ADARB2: variants seen among roughly 807,000 people sequenced by gnomAD.
ADARB2 encodes the protein adenosine deaminase RNA specific B2 (inactive), also known as inactive double-stranded RNA-specific editase B2.
ADARB2 carries 25 observed loss-of-function variants against 62.2 expected under a neutral mutation model. The ratio of observed to expected loss-of-function variants is 0.40; its 90% CI spans 0.29 to 0.56. ADARB2 has a LOEUF of 0.56. Among genes scored for constraint, ADARB2 ranks in the 20% least tolerant of loss-of-function variants. The pLI is 0.43. For missense variants in ADARB2, 1,071 were observed against 1,077.4 expected, an observed-to-expected ratio of 0.99 and a Z score of 0.08; for synonymous variants, 572 against 500.8, an observed-to-expected ratio of 1.14 and a Z score of -1.90.
chr10:1,634,844 T>C (rs1335664953), intron 1 of ADARB2, among the ~76,000 whole-genome samples: 1 of 152,202 alleles, frequency 6.6e-6, no homozygotes, highest in Non-Finnish European at 1.5e-5. Context: ...TTTAACAAGC[T>C]CTAATAAGCT....
At chr10:1,708,203 T>C (rs1481041693) in intron 1 of ADARB2, among the ~76,000 whole-genome samples, 1 of 152,138 alleles carries the variant, frequency 6.6e-6, no homozygotes, top group Non-Finnish European at 1.5e-5. Context: ...TTTTGATGCC[T>C]GTTCAAAGTG....
At chr10:1,318,960 C>T (rs1831770764) in intron 3 of ADARB2, among the ~76,000 whole-genome samples, 1 of 152,154 alleles carries the variant, frequency 6.6e-6, no homozygotes, top group African/African-American at 2.4e-5. Context: ...GGCCAGCGGC[C>T]TTAATTTCTG....
At chr10:1,525,846 TG>T (rs1169851407) in intron 1 of ADARB2, among the ~76,000 whole-genome samples, 3 of 152,008 alleles carry the variant, frequency 2.0e-5, no homozygotes, top group Non-Finnish European at 4.4e-5. Flanking sequence ...TTCATGTGCT[TG>T]TGTGTGTGCG....
intron 3 of ADARB2, among the ~76,000 whole-genome samples, chr10:1,360,281 G>A (rs1832240457): frequency 2.0e-5 from 3 of 152,200 alleles, no homozygotes; most frequent in South Asian, 2.1e-4. Flanking sequence ...GCCCTTTTCC[G>A]AGCGTGGGAC....
intron 3 of ADARB2, among the ~76,000 whole-genome samples, chr10:1,273,807 C>T (rs116875732): frequency 6.6e-6 from 1 of 152,170 alleles, no homozygotes; most frequent in East Asian, 1.9e-4. Context: ...TGCTGCAAGC[C>T]CCATCCTGCC....
At chr10:1,585,789 C>T (rs1179936122) in intron 1 of ADARB2, among the ~76,000 whole-genome samples, 1 of 152,198 alleles carries the variant, frequency 6.6e-6, no homozygotes, top group East Asian at 1.9e-4. Flanking sequence ...AATCTCAGCA[C>T]TTTGGGAGGC....
At chr10:1,629,235 T>C (rs549416498) in intron 1 of ADARB2, among the ~76,000 whole-genome samples, 61 of 152,254 alleles carry the variant, frequency 4.0e-4, no homozygotes, top group African/African-American at 1.4e-3. Context: ...CCCAGGGAAT[T>C]GGACTCCCTG....
At chr10:1,372,949 A>G (rs1832386008) in intron 2 of ADARB2, among the ~76,000 whole-genome samples, 1 of 152,180 alleles carries the variant, frequency 6.6e-6, no homozygotes, top group South Asian at 2.1e-4. Flanking sequence ...GATGAAAGAT[A>G]GCTACAAGGA....
chr10:1,259,568 C>G (rs531852577), intron 4 of ADARB2, among the ~76,000 whole-genome samples: 3 of 152,232 alleles, frequency 2.0e-5, no homozygotes, highest in South Asian at 2.1e-4. Context: ...ATAAATTCCT[C>G]GACACATACA....
intron 3 of ADARB2, among the ~76,000 whole-genome samples, chr10:1,299,316 TG>T (rs1465008283): frequency 6.6e-6 from 1 of 151,988 alleles, no homozygotes; most frequent in Non-Finnish European, 1.5e-5. Flanking sequence ...GAGGGGCACC[TG>T]CCTCACTGGG....
chr10:1,736,430 G>GT (rs1564208467), intron 1 of ADARB2, among the ~76,000 whole-genome samples: 2 of 152,278 alleles, frequency 1.3e-5, no homozygotes, highest in Admixed American at 1.3e-4. Flanking sequence ...CTGGTTTGCG[G>GT]TTTTTTTCTA....
In ADARB2 at chr10:1,580,033, C is replaced by T. The variant is rs539627495; in HGVS notation, c.100+157018G>A. 9.2e-5 allele frequency among the ~76,000 whole-genome samples: 14 copies of T among 152,332 alleles called. No individual in the cohort carries two copies. The South Asian group carries it at 2.1e-3, about 23-fold the overall frequency. On this transcript the variant is annotated intron_variant, in intron 1 of 9. Coordinates refer to ENST00000381312, the MANE Select transcript of ADARB2 (RefSeq NM_018702.4). ...CTCCCCCAGGAATGTACAACTTGGACGAGGCAGACGAGCGAGTCACCAGTT... is the reference window on the plus strand; with the variant it reads ...CTCCCCCAGGAATGTACAACTTGGATGAGGCAGACGAGCGAGTCACCAGTT...
At chr10:1,541,125 C>T (rs79155582) in intron 1 of ADARB2, among the ~76,000 whole-genome samples, 7,294 of 29,488 alleles carry the variant, frequency 0.25, 630 homozygotes, top group Non-Finnish European at 0.31. Context: ...CACTCAGACG[C>T]AGTTCAGACC....
At chr10:1,549,578 G>A (rs1300197740) in intron 1 of ADARB2, among the ~76,000 whole-genome samples, 2 of 151,954 alleles carry the variant, frequency 1.3e-5, no homozygotes, top group South Asian at 2.1e-4. Flanking sequence ...CGAGACCCAC[G>A]CATGGTCAAA....
At chr10:1,488,811 C>T (rs1016434139) in intron 1 of ADARB2, among the ~76,000 whole-genome samples, 1 of 151,780 alleles carries the variant, frequency 6.6e-6, no homozygotes, top group Non-Finnish European at 1.5e-5. Flanking sequence ...GGGGAAAACG[C>T]TCGCATATCT....
chr10:1,200,408 A>C (rs1338068360), intron 7 of ADARB2: 5 of 543,092 alleles, frequency 9.2e-6, no homozygotes, highest in East Asian at 9.1e-5. Flanking sequence ...TTAGAGTGGA[A>C]ACTGTTATGT....
chr10:1,444,071 A>G (rs995510046), intron 1 of ADARB2, among the ~76,000 whole-genome samples: 3 of 149,426 alleles, frequency 2.0e-5, no homozygotes, highest in Non-Finnish European at 4.5e-5. Context: ...ACACCACTCT[A>G]TCCATTCACC....
chr10:1,695,141 C>G (rs1040541099), intron 1 of ADARB2, among the ~76,000 whole-genome samples: 6 of 152,332 alleles, frequency 3.9e-5, no homozygotes, highest in African/African-American at 1.4e-4. Flanking sequence ...TCACCACCAG[C>G]AGCCTCAGAT....
chr10:1,357,819 C>G (rs993261133), intron 3 of ADARB2, among the ~76,000 whole-genome samples: 1 of 152,212 alleles, frequency 6.6e-6, no homozygotes, highest in Non-Finnish European at 1.5e-5. Context: ...TGTAGACACA[C>G]GAGCCCCAGA....
Sources: allele counts gnomAD v4.1 joint callset (sites outside exome capture counted in the v4.1 genomes callset), GRCh38; gene constraint gnomAD v4.1.1; transcripts MANE v1.5; gene names NCBI Gene and HGNC (gene_info 2026-07-23, HGNC 2026-07-21).